Variants in LRBA observed in about 807,000 individuals in gnomAD.
LRBA encodes LPS responsive beige-like anchor protein, also known as lipopolysaccharide-responsive and beige-like anchor protein.
In LRBA, 176 loss-of-function variants were observed where a neutral mutation model predicts 330.0. The ratio of observed to expected loss-of-function variants is 0.53; its 90% CI spans 0.47 to 0.60. LRBA has a LOEUF of 0.60. Among genes scored for constraint, LRBA ranks in the 20% least tolerant of loss-of-function variants. The pLI is 0.00. For synonymous variants in LRBA, 1,230 were observed against 1,193.0 expected (o/e 1.03, Z -0.64); for missense variants, 3,259 against 3,444.8 (o/e 0.95, Z 1.35).
At chr4:150,838,482 G>A (rs1040474553) in intron 28 of LRBA, among the ~76,000 whole-genome samples, 5 of 152,050 alleles carry the variant, frequency 3.3e-5, no homozygotes, top group South Asian at 2.1e-4. Flanking sequence ...TGGAGGCTTC[G>A]TTCATTTCTC....
chr4:150,735,274 C>T lies in LRBA; in HGVS notation c.5738G>A (p.Arg1913Lys). 6.2e-7 allele frequency: 1 copy of T among 1,613,288 alleles called. No homozygotes were observed. Among genetic ancestry groups the T allele is most frequent in the Non-Finnish European group, 8.5e-7 (1 of 1,179,314 alleles). Residue 1913 changes from arginine (R) to lysine (K), a missense_variant, in exon 36 of 57, where the codon AGA becomes AAA. Physicochemically the swap from Arg to Lys is conservative, Grantham distance 26. Coordinates refer to ENST00000651943, the MANE Select transcript of LRBA (RefSeq NM_001364905.1). ...GTAACCTACCTCAAATTCCGCATGTCTGTGAATATCTTCTGCTCTCTGCCT... is the reference window on the plus strand; with the variant it reads ...GTAACCTACCTCAAATTCCGCATGTTTGTGAATATCTTCTGCTCTCTGCCT... ...LSRQRAEDIH[R>K]HAEFESLCAQ...
At chr4:150,353,152 A>G (rs1378852470) in intron 47 of LRBA, among the ~76,000 whole-genome samples, 2 of 152,160 alleles carry the variant, frequency 1.3e-5, no homozygotes, top group Non-Finnish European at 2.9e-5. Context: ...AGATTAGCAT[A>G]TAATATCTCT....
intron 33 of LRBA, among the ~76,000 whole-genome samples, chr4:150,802,938 C>T (rs1741880666): frequency 6.8e-6 from 1 of 147,638 alleles, no homozygotes; most frequent in African/African-American, 2.5e-5. Context: ...ACAAGAATTG[C>T]TTGAACTCGG....
chr4:150,346,764 A>C (rs1333360554), intron 48 of LRBA, among the ~76,000 whole-genome samples: 21 of 48,836 alleles, frequency 4.3e-4, no homozygotes, highest in African/African-American at 9.9e-4. Context: ...TCTCAAAAAA[A>C]AAAAAAAAAA....
chr4:151,010,866 A>C (rs1274645629), intron 2 of LRBA, among the ~76,000 whole-genome samples: 2 of 147,064 alleles, frequency 1.4e-5, no homozygotes, highest in Admixed American at 6.9e-5. Context: ...CCTGGGTGAC[A>C]GAGTGAGACT....
intron 47 of LRBA, among the ~76,000 whole-genome samples, chr4:150,393,243 A>C (rs896779818): frequency 2.0e-5 from 3 of 152,136 alleles, no homozygotes; most frequent in Admixed American, 2.0e-4. Flanking sequence ...CTCAGAATTA[A>C]GTAGGATGTT....
At chr4:150,788,397 G>A (rs753746057) in intron 34 of LRBA, among the ~76,000 whole-genome samples, 10 of 151,638 alleles carry the variant, frequency 6.6e-5, no homozygotes, top group African/African-American at 1.9e-4. Context: ...GATGCCTGGC[G>A]CTAATAAGAT....
intron 48 of LRBA, among the ~76,000 whole-genome samples, chr4:150,337,067 T>C (rs1389682999): frequency 6.6e-6 from 1 of 152,068 alleles, no homozygotes; most frequent in Admixed American, 6.6e-5. Flanking sequence ...GAAAACACAG[T>C]AAAGGTCTTA....
chr4:150,765,256 G>T (rs1461671796), intron 34 of LRBA, among the ~76,000 whole-genome samples: 4 of 152,004 alleles, frequency 2.6e-5, no homozygotes, highest in Admixed American at 6.6e-5. Context: ...TGTTTATAGG[G>T]GTTAGTGGGA....
chr4:150,268,123 T>G (rs1159246825), intron 56 of LRBA, among the ~76,000 whole-genome samples: 2 of 151,826 alleles, frequency 1.3e-5, no homozygotes, highest in Non-Finnish European at 2.9e-5. Context: ...CATTACTGAT[T>G]TGGCAGAAAC....
intron 41 of LRBA, 35 bp from the exon 42 acceptor site, chr4:150,487,869 T>C (rs1435206653): frequency 8.4e-7 from 1 of 1,185,606 alleles, no homozygotes; most frequent in Admixed American, 1.8e-5. Flanking sequence ...TAGAACACAG[T>C]ATAACTTCCT....
intron 40 of LRBA, among the ~76,000 whole-genome samples, chr4:150,563,934 A>G (rs1041802173): frequency 6.6e-6 from 1 of 152,204 alleles, no homozygotes; most frequent in Admixed American, 6.5e-5. Context: ...AGGAAGAATC[A>G]ATATCGTGAA....
rs1268183700 is a variant in LRBA at position 150,315,570 on chromosome 4, G to T, written c.7684C>A (p.Pro2562Thr). 1.2e-6 allele frequency: 2 copies of T among 1,611,866 alleles called. No individual in the cohort carries two copies. Among genetic ancestry groups the T allele is most frequent in the African/African-American group, 2.7e-5 (2 of 74,706 alleles). ...GAAGGAAGTGACAGACCTATGAGAGGATCGATTTCCACTGGCAGCTGGTAT... is the reference window on the plus strand; with the variant it reads ...GAAGGAAGTGACAGACCTATGAGAGTATCGATTTCCACTGGCAGCTGGTAT... ...QPYQLPVEID[P>T]LIASNTGMHR... The change falls in exon 51 of 57, where the codon CCT becomes ACT. Residue 2562 changes from proline (P) to threonine (T), a missense_variant. Physicochemically the swap from Pro to Thr is conservative, Grantham distance 38. Coordinates refer to ENST00000651943, the MANE Select transcript of LRBA (RefSeq NM_001364905.1).
In LRBA at chr4:150,321,625, A is replaced by C. The variant is rs1732527483; in HGVS notation, c.7453-257T>G. 6.6e-6 allele frequency among the ~76,000 whole-genome samples: 1 copy of C among 152,116 alleles called. No homozygotes were observed. Among genetic ancestry groups the C allele is most frequent in the Non-Finnish European group, 1.5e-5 (1 of 67,998 alleles). On this transcript the variant is annotated intron_variant, in intron 49 of 56. Transcript: ENST00000651943. The surrounding 1 kb of genome is among the most constrained non-coding windows in gnomAD (Gnocchi z 4.5). ...TAACAGAAACACTTTAAAATTTATAAATTTTATGAGCTCCCTTTCCCTCCC... is the reference window on the plus strand; with the variant it reads ...TAACAGAAACACTTTAAAATTTATACATTTTATGAGCTCCCTTTCCCTCCC...
At chr4:150,933,006 T>C (rs1734679560) in intron 2 of LRBA, among the ~76,000 whole-genome samples, 1 of 152,128 alleles carries the variant, frequency 6.6e-6, no homozygotes, top group Non-Finnish European at 1.5e-5. Context: ...CTACTAGAAA[T>C]GTATATTATA....
At chr4:150,498,609 A>G (rs1162461687) in intron 40 of LRBA, among the ~76,000 whole-genome samples, 1 of 152,210 alleles carries the variant, frequency 6.6e-6, no homozygotes, top group Admixed American at 6.5e-5. Flanking sequence ...CATAAGGTGA[A>G]GAGCTGGGTG....
chr4:150,617,836 T>C (rs1775915818), intron 37 of LRBA, among the ~76,000 whole-genome samples: 1 of 151,056 alleles, frequency 6.6e-6, no homozygotes. Context: ...CTAAGCACAG[T>C]GGCTCATGAC....
Position 150,558,527 on chromosome 4 carries a change from T to C in LRBA, c.6330+29521A>G, listed in dbSNP as rs1767627605. ...CATTATTCTATTCTTCGGACACTTA[T>C]GTATGTTCTGGCACTATAATATGCT... On this transcript the variant is annotated intron_variant, in intron 40 of 56. Coordinates refer to ENST00000651943, the MANE Select transcript of LRBA (RefSeq NM_001364905.1). 2.6e-5 allele frequency among the ~76,000 whole-genome samples: 4 copies of C among 152,352 alleles called. No individual in the cohort carries two copies. In the South Asian group the frequency reaches 6.2e-4, roughly 24 times the overall value.
chr4:150,295,194 CTTTTTTTTT>C (rs146893381), intron 53 of LRBA, among the ~76,000 whole-genome samples: 2 of 113,826 alleles, frequency 1.8e-5, no homozygotes, highest in Non-Finnish European at 1.8e-5. Context: ...ATTAAAATAG[CTTTTTTTTT>C]TTTTTTTTTT....
Sources: gnomAD v4.1 joint callset for allele counts (sites outside exome capture counted in the v4.1 genomes callset) on GRCh38, gnomAD v4.1.1 for gene constraint, Gnocchi (gnomAD v3.1) non-coding constraint, MANE v1.5 for transcripts, NCBI Gene and HGNC (gene_info 2026-07-23, HGNC 2026-07-21) for gene names.